Variants in KLHL32 observed in about 807,000 individuals in gnomAD.
KLHL32 encodes the protein kelch like family member 32, also known as kelch-like protein 32.
KLHL32 carries 35 observed loss-of-function variants against 64.8 expected under a neutral mutation model. That is an observed-to-expected ratio of 0.54 (90% CI 0.41 to 0.72). KLHL32 has a LOEUF of 0.72. Among genes scored for constraint, KLHL32 ranks in the 30% least tolerant of loss-of-function variants. The pLI, the probability that KLHL32 is intolerant of heterozygous loss-of-function variation, is 0.00. For missense variants in KLHL32, 589 were observed against 768.5 expected (o/e 0.77, Z 2.76); for synonymous variants, 259 against 281.0 (o/e 0.92, Z 0.78).
At position 97,070,866 on chromosome 6, in the gene KLHL32, G is replaced by A. The variant is rs538015912; in HGVS notation, c.411+6140G>A. Among the ~76,000 whole-genome samples the A allele has an allele frequency of 6.6e-5, 10 of 152,132 alleles. No homozygotes were observed. The South Asian group carries it at 2.1e-3, about 32-fold the overall frequency. ...CCATTATTAATACTTGGAAATTGGTGGGGGGTGTGTAAAAGAAGATCTGTG... is the reference window on the plus strand; with the variant it reads ...CCATTATTAATACTTGGAAATTGGTAGGGGGTGTGTAAAAGAAGATCTGTG... On this transcript the variant is annotated intron_variant, in intron 5 of 10. Coordinates refer to ENST00000369261, the MANE Select transcript of KLHL32 (RefSeq NM_052904.4).
At chr6:97,095,584 A>C (rs957901392) in intron 6 of KLHL32, among the ~76,000 whole-genome samples, 9 of 152,184 alleles carry the variant, frequency 5.9e-5, no homozygotes, top group African/African-American at 2.2e-4. Flanking sequence ...AGTATCCTGA[A>C]GCCACTCCTA....
At chr6:97,118,421 C>G (rs1274747635) in intron 7 of KLHL32, among the ~76,000 whole-genome samples, 1 of 151,966 alleles carries the variant, frequency 6.6e-6, no homozygotes, top group Non-Finnish European at 1.5e-5. Context: ...GAGTTCGAGA[C>G]CAGCCTGGCC....
At chr6:96,981,734 G>T (rs939827024) in intron 3 of KLHL32, among the ~76,000 whole-genome samples, 1 of 152,100 alleles carries the variant, frequency 6.6e-6, no homozygotes, top group Non-Finnish European at 1.5e-5. Flanking sequence ...TTGTCTCAGA[G>T]ATGCTCATGT....
intron 4 of KLHL32, among the ~76,000 whole-genome samples, chr6:97,055,385 C>A (rs1377223903): frequency 1.3e-5 from 2 of 152,166 alleles, no homozygotes; most frequent in Non-Finnish European, 2.9e-5. Flanking sequence ...AGACTAATCT[C>A]CCCCACGTAG....
intron 3 of KLHL32, among the ~76,000 whole-genome samples, chr6:96,988,398 A>G (rs1439712193): frequency 6.6e-6 from 1 of 152,178 alleles, no homozygotes; most frequent in Non-Finnish European, 1.5e-5. Flanking sequence ...TCAAAACCAC[A>G]GTGAGATACC....
At chr6:96,925,818 T>C (rs1769073116) in intron 1 of KLHL32, among the ~76,000 whole-genome samples, 1 of 152,220 alleles carries the variant, frequency 6.6e-6, no homozygotes, top group African/African-American at 2.4e-5. Context: ...CCTCTGCTCA[T>C]TTCTGAGAAG....
At chr6:96,923,322 C>T (rs150339855), upstream of KLHL32, among the ~76,000 whole-genome samples, 39 of 152,234 alleles carry the variant, frequency 2.6e-4, no homozygotes, top group East Asian at 7.1e-3. Flanking sequence ...GGTTCAAAGA[C>T]GCTTTCATAT....
Position 97,009,704 on chromosome 6 carries a change from G to A in KLHL32, c.205-31788G>A, listed in dbSNP as rs897312976. On this transcript the variant is annotated intron_variant, in intron 3 of 10. Coordinates refer to ENST00000369261, the MANE Select transcript of KLHL32 (RefSeq NM_052904.4). ...ATGGAAGTGAAATGTGATCTTGCTG[G>A]ACAGTAGAAGGAAAGACTGCCTGTA... 7.2e-5 allele frequency among the ~76,000 whole-genome samples: 11 copies of A among 152,280 alleles called. No homozygotes were observed. The East Asian group carries it at 1.5e-3, about 21-fold the overall frequency.
At chr6:96,968,038 T>C (rs1562200131) in intron 2 of KLHL32, among the ~76,000 whole-genome samples, 1 of 152,186 alleles carries the variant, frequency 6.6e-6, no homozygotes, top group Non-Finnish European at 1.5e-5. Flanking sequence ...TACATTTTTC[T>C]TAAGAATTGG....
intron 5 of KLHL32, among the ~76,000 whole-genome samples, chr6:97,080,206 AGGATGACCACT>A (rs1322962751): frequency 6.6e-6 from 1 of 152,202 alleles, no homozygotes; most frequent in African/African-American, 2.4e-5. Context: ...CGCAGAAAAC[AGGATGACCACT>A]GGCTTTGCCT....
At chr6:96,965,155 A>G (rs1319212592) in intron 1 of KLHL32, among the ~76,000 whole-genome samples, 1 of 152,228 alleles carries the variant, frequency 6.6e-6, no homozygotes, top group Non-Finnish European at 1.5e-5. Flanking sequence ...TTGCATCCAT[A>G]TTGCTGCAAA....
At chr6:96,919,383 G>T in the KLHL32 span, among the ~76,000 whole-genome samples, 1 of 152,194 alleles carries the variant, frequency 6.6e-6, no homozygotes, top group East Asian at 1.9e-4. Flanking sequence ...GGTCAGGAAA[G>T]AATATGGAAT....
intron 6 of KLHL32, among the ~76,000 whole-genome samples, chr6:97,094,153 A>G (rs1794643155): frequency 1.3e-5 from 2 of 152,226 alleles, no homozygotes. Context: ...TTTCCAACAC[A>G]AATGACCCTG....
At chr6:96,930,880 C>G (rs994897411) in intron 1 of KLHL32, among the ~76,000 whole-genome samples, 35 of 152,088 alleles carry the variant, frequency 2.3e-4, no homozygotes, top group African/African-American at 8.2e-4. Context: ...GCTCTCTGGG[C>G]TCTATCATAG....
chr6:96,899,425 A>G, the KLHL32 span, among the ~76,000 whole-genome samples: 1 of 152,232 alleles, frequency 6.6e-6, no homozygotes, highest in Non-Finnish European at 1.5e-5. Flanking sequence ...AAATATTTTA[A>G]AAGTGAAAAT....
At chr6:97,080,378 A>C (rs1415821479) in intron 5 of KLHL32, among the ~76,000 whole-genome samples, 5 of 152,218 alleles carry the variant, frequency 3.3e-5, no homozygotes, top group African/African-American at 1.2e-4. Context: ...ATTATAAGTA[A>C]ACAGAAAAAG....
At chr6:97,063,704 C>G (rs538652222) in intron 4 of KLHL32, among the ~76,000 whole-genome samples, 17 of 152,266 alleles carry the variant, frequency 1.1e-4, no homozygotes, top group African/African-American at 3.9e-4. Flanking sequence ...CTTACTGATT[C>G]AGTATGTCTG....
At chr6:96,995,914 A>G (rs891043429) in intron 3 of KLHL32, among the ~76,000 whole-genome samples, 3 of 152,214 alleles carry the variant, frequency 2.0e-5, no homozygotes, top group African/African-American at 7.2e-5. Context: ...TCTCAGAGAG[A>G]TTGTGACCAA....
intron 3 of KLHL32, among the ~76,000 whole-genome samples, chr6:97,016,397 C>A (rs1393033877): frequency 1.3e-5 from 2 of 152,224 alleles, no homozygotes; most frequent in Admixed American, 6.5e-5. Flanking sequence ...CAAAGGAGAT[C>A]ATTTTGGAAC....
Sources: allele counts gnomAD v4.1 joint callset (sites outside exome capture counted in the v4.1 genomes callset), GRCh38; gene constraint gnomAD v4.1.1; transcripts MANE v1.5; gene names NCBI Gene and HGNC (gene_info 2026-07-23, HGNC 2026-07-21).